Variants in MIEF1 observed in about 807,000 individuals in gnomAD.
MIEF1 encodes mitochondrial dynamics protein MIEF1.
A neutral mutation model predicts 35.1 loss-of-function variants in MIEF1; 14 were observed. The ratio of observed to expected loss-of-function variants is 0.40; its 90% CI spans 0.26 to 0.62. The LOEUF is 0.62. MIEF1 is among the 20% of genes least tolerant of loss of function. MIEF1 has a pLI of 0.43. For missense variants in MIEF1, 542 were observed against 615.4 expected, an observed-to-expected ratio of 0.88 and a Z score of 1.26; for synonymous variants, 245 against 254.3, an observed-to-expected ratio of 0.96 and a Z score of 0.35.
intron 2 of MIEF1, among the ~76,000 whole-genome samples, chr22:39,507,349 G>A (rs948298815): frequency 9.9e-5 from 15 of 151,784 alleles, no homozygotes; most frequent in East Asian, 2.0e-4. Flanking sequence ...GACTTCAAGC[G>A]ATTCTCCTGC....
At chr22:39,504,760 G>A (rs1220131101) in intron 2 of MIEF1, 1 of 206,386 alleles carries the variant, frequency 4.8e-6, no homozygotes, top group Non-Finnish European at 9.6e-6. Flanking sequence ...CAGGCTGGGT[G>A]ACAGAATGAG....
At chr22:39,507,624 G>A (rs1000545325) in intron 2 of MIEF1, among the ~76,000 whole-genome samples, 1 of 151,722 alleles carries the variant, frequency 6.6e-6, no homozygotes, top group African/African-American at 2.4e-5. Context: ...AGCACTTTGA[G>A]AGGCCAGGGT....
chr22:39,515,251 A>C lies in MIEF1; in HGVS notation c.*928A>C, dbSNP rs889330983. On this transcript the variant is annotated 3_prime_UTR_variant, in exon 6 of 6. Transcript: ENST00000325301. ...TCAGGACAAGGCCTTGAAGGAACGC[A>C]GCCTTAGACATCAGGTGAGGATGAT... 5.6e-6 allele frequency: 4 copies of C among 716,942 alleles called. No individual in the cohort carries two copies. Among genetic ancestry groups the C allele is most frequent in the Admixed American group, 2.0e-5 (1 of 49,878 alleles). The allele number at this position is 716,942 out of a possible 1,614,324, so 44.4% of individuals were successfully genotyped here.
chr22:39,502,762 T>TA (rs1340259072), intron 1 of MIEF1, among the ~76,000 whole-genome samples: 10 of 152,250 alleles, frequency 6.6e-5, no homozygotes, highest in African/African-American at 1.9e-4. Flanking sequence ...ACCTTGTAGT[T>TA]ACAGCCCTCG....
At chr22:39,504,752 G>A (rs1003563371) in intron 2 of MIEF1, 6 of 214,974 alleles carry the variant, frequency 2.8e-5, no homozygotes, top group Non-Finnish European at 5.5e-5. Flanking sequence ...CTGCACTCCA[G>A]GCTGGGTGAC....
At chr22:39,509,894 A>G (rs1395488801) in intron 2 of MIEF1, among the ~76,000 whole-genome samples, 1 of 152,188 alleles carries the variant, frequency 6.6e-6, no homozygotes, top group African/African-American at 2.4e-5. Flanking sequence ...AAGGGTGAGC[A>G]TGGTACAGTA....
chr22:39,502,947 G>A (rs954832754), intron 1 of MIEF1: 2 of 152,102 alleles, frequency 1.3e-5, no homozygotes, highest in African/African-American at 4.8e-5. Flanking sequence ...CGGACTTTGG[G>A]CCCAAAGTCC....
rs1930613102 is a variant in MIEF1 at position 39,515,487 on chromosome 22, A to G, written c.*1164A>G. 4 of 640,772 alleles carry G rather than the reference A, an allele frequency of 6.2e-6. No individual in the cohort carries two copies. In the East Asian group the frequency reaches 8.2e-5, roughly 13 times the overall value. 39.7% of individuals were successfully genotyped at this position (640,772 alleles called of 1,614,324 possible). A position where few individuals can be genotyped will look rare whatever the true frequency, so the allele number is the denominator to read the frequency against. ...GCGCTCCGGGCACGGCCAGAGGGCA[A>G]GTGAGCATGCACGGACCTCTTCCCC... On this transcript the variant is annotated 3_prime_UTR_variant, in exon 6 of 6. Coordinates refer to ENST00000325301, the MANE Select transcript of MIEF1 (RefSeq NM_019008.6).
At position 39,517,822 on chromosome 22, in the gene MIEF1, C is replaced by T. The variant is rs148858679; in HGVS notation, c.*3499C>T. On this transcript the variant is annotated 3_prime_UTR_variant, in exon 6 of 6. Coordinates refer to ENST00000325301, the MANE Select transcript of MIEF1 (RefSeq NM_019008.6). ...GAGGTGGGTTCCATGGTCAAATGCA[C>T]AGTAGGTGTTTACCTTTACATTTGG... The T allele has an allele frequency of 8.8e-4, 273 of 309,340 alleles. 3 individuals carry two copies. The East Asian group carries it at 0.022, about 25-fold the overall frequency. 19.2% of individuals were successfully genotyped at this position (309,340 alleles called of 1,614,324 possible). A position where few individuals can be genotyped will look rare whatever the true frequency, so the allele number is the denominator to read the frequency against.
rs1930583683 is a variant in MIEF1, at chr22:39,515,012, C to T, written c.*689C>T. On this transcript the variant is annotated 3_prime_UTR_variant, in exon 6 of 6. Transcript: ENST00000325301. ...TGACCCACACAGGATAAGCTGAATG[C>T]AAAGTTATTTGCAGGTTGAATTTCT... The T allele has an allele frequency of 1.8e-6, 1 of 548,310 alleles. No homozygotes were observed. Among genetic ancestry groups the T allele is most frequent in the Non-Finnish European group, 3.2e-6 (1 of 310,180 alleles). The allele number at this position is 548,310 out of a possible 1,614,324, so 34.0% of individuals were successfully genotyped here.
At chr22:39,508,086 C>T (rs1930137983) in intron 2 of MIEF1, among the ~76,000 whole-genome samples, 1 of 152,192 alleles carries the variant, frequency 6.6e-6, no homozygotes, top group African/African-American at 2.4e-5. Flanking sequence ...AGACCATCCA[C>T]TGCAATACAG....
In MIEF1 at chr22:39,515,547, G is replaced by C; in HGVS notation, c.*1224G>C. ...TTCTCACCCAGCACCTGGGGAGATC[G>C]GTGCTACCAAGGAAGAGAGCACACA... On this transcript the variant is annotated 3_prime_UTR_variant, in exon 6 of 6. Transcript: ENST00000325301. 1 of 582,504 alleles carries C rather than the reference G, an allele frequency of 1.7e-6. No individual in the cohort carries two copies. Among genetic ancestry groups the C allele is most frequent in the Non-Finnish European group, 3.1e-6 (1 of 327,600 alleles). The allele number at this position is 582,504 out of a possible 1,614,324, so 36.1% of individuals were successfully genotyped here.
chr22:39,507,432 A>T (rs180880249), intron 2 of MIEF1, among the ~76,000 whole-genome samples: 147 of 151,718 alleles, frequency 9.7e-4, no homozygotes, highest in African/African-American at 3.4e-3. Flanking sequence ...TTTTTAGTAG[A>T]GACAGAGGTT....
At position 39,504,539 on chromosome 22, in the gene MIEF1, G is replaced by T; in HGVS notation, c.-8+5G>T. 2.5e-6 allele frequency: 1 copy of T among 397,978 alleles called. No homozygotes were observed. The highest frequency in any genetic ancestry group is 4.4e-6 in the Non-Finnish European group (1 of 225,936). The allele number at this position is 397,978 out of a possible 1,614,324, so 24.7% of individuals were successfully genotyped here. A position where few individuals can be genotyped will look rare whatever the true frequency, so the allele number is the denominator to read the frequency against. ...AGATGTATTAAGAAGCCTCAGGTAC[G>T]TAGGCCCTCGTTCCTGTAGGTTTCC... On this transcript the variant is annotated splice_donor_5th_base_variant and intron_variant, in intron 2 of 5. Coordinates refer to ENST00000325301, the MANE Select transcript of MIEF1 (RefSeq NM_019008.6).
intron 2 of MIEF1, among the ~76,000 whole-genome samples, chr22:39,506,142 G>T (rs1334617186): frequency 1.3e-5 from 2 of 151,984 alleles, no homozygotes; most frequent in Non-Finnish European, 2.9e-5. Flanking sequence ...TGTGAGTTGG[G>T]CTACACGCTG....
intron 2 of MIEF1, among the ~76,000 whole-genome samples, chr22:39,507,388 G>A (rs1389221740): frequency 1.3e-5 from 2 of 151,820 alleles, no homozygotes; most frequent in Non-Finnish European, 2.9e-5. Flanking sequence ...TGGGACTACA[G>A]GCGCCTGCCA....
In MIEF1 at chr22:39,517,311, G is replaced by A. The variant is rs894158380; in HGVS notation, c.*2988G>A. On this transcript the variant is annotated 3_prime_UTR_variant, in exon 6 of 6. Coordinates refer to ENST00000325301, the MANE Select transcript of MIEF1 (RefSeq NM_019008.6). ...CTCTGTTGCCCTTCCTAAAAAATGA[G>A]CTGAAGATGACAGTATTTTTCTTTA... The A allele has an allele frequency of 1.3e-5, 3 of 224,446 alleles. No homozygotes were observed. Among genetic ancestry groups the A allele is most frequent in the African/African-American group, 7.0e-5 (3 of 43,112 alleles). The allele number at this position is 224,446 out of a possible 1,614,324, so 13.9% of individuals were successfully genotyped here.
chr22:39,511,056 C>G (rs1233114665), intron 2 of MIEF1, among the ~76,000 whole-genome samples: 1 of 152,236 alleles, frequency 6.6e-6, no homozygotes, highest in African/African-American at 2.4e-5. Flanking sequence ...ATCTCACTAG[C>G]TTGGGGAAAG....
chr22:39,507,741 T>C (rs541638192), intron 2 of MIEF1, among the ~76,000 whole-genome samples: 1 of 152,012 alleles, frequency 6.6e-6, no homozygotes, highest in African/African-American at 2.4e-5. Flanking sequence ...GGCTCATGCC[T>C]GTAATCCCAG....
Sources: allele counts gnomAD v4.1 joint callset (sites outside exome capture counted in the v4.1 genomes callset), GRCh38; gene constraint gnomAD v4.1.1; transcripts MANE v1.5; gene names NCBI Gene and HGNC (gene_info 2026-07-23, HGNC 2026-07-21).